ABCB11: variants seen among roughly 807,000 people sequenced by gnomAD.
ABCB11 encodes bile salt export pump.
ABCB11 carries 95 observed loss-of-function variants against 148.0 expected under a neutral mutation model. That is an observed-to-expected ratio of 0.64 (90% CI 0.54 to 0.76). The LOEUF (loss-of-function observed/expected upper bound fraction) is 0.76, where lower values mean the gene tolerates loss of function less well. ABCB11 is among the 30% of genes least tolerant of loss of function. The probability of loss-of-function intolerance (pLI) is 0.00; values close to 1 mark genes in which losing one functional copy is unlikely to be tolerated. For synonymous variants in ABCB11, 591 were observed against 555.4 expected (o/e 1.06, Z -0.90); for missense variants, 1,523 against 1,617.8 (o/e 0.94, Z 1.01).
chr2:168,981,659 C>T (rs1346927537), intron 10 of ABCB11, among the ~76,000 whole-genome samples: 1 of 152,122 alleles, frequency 6.6e-6, no homozygotes, highest in Non-Finnish European at 1.5e-5. Context: ...TTTAAGACCA[C>T]ACACGTCAGA....
chr2:168,964,358 G>A, intron 17 of ABCB11, 50 bp from the exon 18 acceptor site: 1 of 1,427,402 alleles, frequency 7.0e-7, no homozygotes, highest in South Asian at 1.2e-5. Context: ...CCAGATTGGA[G>A]CAGGATCAAC....
rs756797612 is a variant in ABCB11 at position 168,936,408 on chromosome 2, A to G, written c.2636T>C (p.Ile879Thr). The G allele has an allele frequency of 6.2e-7, 1 of 1,613,962 alleles. No homozygotes were observed. Among genetic ancestry groups the G allele is most frequent in the Non-Finnish European group, 8.5e-7 (1 of 1,179,874 alleles). ...QGAAGSQIGM[I>T]VNSFTNVTVA... ...AGTGACGTTAGTGAAGGAATTGACTATCATCCCGATCTGAGAGCCGGCAGC... is the reference window on the plus strand; with the variant it reads ...AGTGACGTTAGTGAAGGAATTGACTGTCATCCCGATCTGAGAGCCGGCAGC... Residue 879 changes from isoleucine to threonine, a missense_variant, in exon 22 of 28, where the codon ATA becomes ACA. Physicochemically the swap from Ile to Thr is moderately conservative, Grantham distance 89. Transcript: ENST00000650372.
Position 168,995,372 on chromosome 2 carries a change from C to T in ABCB11, c.588G>A (p.Gly196=), listed in dbSNP as rs548384140. The T allele has an allele frequency of 3.7e-6, 6 of 1,612,062 alleles. No homozygotes were observed. The African/African-American group carries it at 6.7e-5, about 18-fold the overall frequency. The part of the protein sequence containing the change: ...EIGWFDCNSV[G]ELNTRFSDDI... ...ACTCAGAGAATCTTGTATTCAGCTCCCCCACTGAATTGCAGTCAAACCACC... is the reference window on the plus strand; with the variant it reads ...ACTCAGAGAATCTTGTATTCAGCTCTCCCACTGAATTGCAGTCAAACCACC... Residue 196 remains glycine, a synonymous_variant, in exon 7 of 28, where the codon GGG becomes GGA. Coordinates refer to ENST00000650372, the MANE Select transcript of ABCB11 (RefSeq NM_003742.4).
Position 168,920,791 on chromosome 2 carries a change from A to G in ABCB11, c.*2831T>C, listed in dbSNP as rs1691051195. On this transcript the variant is annotated 3_prime_UTR_variant, in exon 28 of 28. Transcript: ENST00000650372. ...CATCGCCCCCTGGTGTTGTAAAATA[A>G]ACATGCAATGTTATTTATTTATTCA... Among the ~76,000 whole-genome samples the G allele has an allele frequency of 6.6e-6, 1 of 152,230 alleles. No individual in the cohort carries two copies. Among genetic ancestry groups the G allele is most frequent in the African/African-American group, 2.4e-5 (1 of 41,450 alleles).
At chr2:169,015,332 G>A (rs188621094) in intron 3 of ABCB11, among the ~76,000 whole-genome samples, 3 of 152,112 alleles carry the variant, frequency 2.0e-5, no homozygotes, top group Non-Finnish European at 4.4e-5. Context: ...ACCAACACAG[G>A]CAGAGTCTAG....
Position 168,969,473 on chromosome 2 carries a change from CA to C in ABCB11, c.1887del (p.Phe629LeufsTer25). 1 of 1,612,548 alleles carries C rather than the reference CA, an allele frequency of 6.2e-7. No individual in the cohort carries two copies. The highest frequency in any genetic ancestry group is 8.5e-7 in the Non-Finnish European group (1 of 1,179,208). On this transcript the variant is annotated frameshift_variant, in exon 16 of 28. Coordinates refer to ENST00000650372, the MANE Select transcript of ABCB11 (RefSeq NM_003742.4). LOFTEE classifies it high-confidence loss of function. ...CCTCTTTCCACTGCAGTGCCATGTT[CA>C]AAACCAATGATGGTATCTGCAGCTC... ...TVRAADTIIG[F>X]EHGTAVERGT...
In ABCB11 at chr2:168,971,914, G is replaced by A. The variant is rs780992528; in HGVS notation, c.1571C>T (p.Thr524Ile). 7.4e-6 allele frequency: 12 copies of A among 1,613,062 alleles called. No homozygotes were observed. Among genetic ancestry groups the A allele is most frequent in the Non-Finnish European group, 1.0e-5 (12 of 1,179,408 alleles). ...GGCAGCTTGGACTATGTCTTCCATT[G>A]TTGCATCTTCTCTGCCATAGCGAAT... is the stretch of plus-strand genomic sequence containing the variant. ...ENIRYGREDA[T>I]MEDIVQAAKE... is the part of the protein sequence containing the mutation. The change falls in exon 14 of 28, where the codon ACA becomes ATA. Residue 524 changes from threonine to isoleucine, a missense_variant. By Grantham distance (89) the Thr-to-Ile change is moderately conservative. Transcript: ENST00000650372.
intron 17 of ABCB11, among the ~76,000 whole-genome samples, chr2:168,965,330 C>G (rs900535917): frequency 6.6e-6 from 1 of 151,784 alleles, no homozygotes; most frequent in Non-Finnish European, 1.5e-5. Flanking sequence ...GGGAAGGAGG[C>G]CCCCATTCTC....
chr2:168,935,162 A>G, intron 23 of ABCB11, 22 bp downstream of exon 23: 1 of 1,612,792 alleles, frequency 6.2e-7, no homozygotes, highest in Non-Finnish European at 8.5e-7. Flanking sequence ...ATCTTTTCTC[A>G]CCTTGGCTAG....
intron 10 of ABCB11, among the ~76,000 whole-genome samples, chr2:168,980,342 T>C (rs910797925): frequency 1.3e-5 from 2 of 152,122 alleles, no homozygotes; most frequent in African/African-American, 4.8e-5. Context: ...TTATAGTGAT[T>C]TTCTGGTTAA....
At chr2:168,953,106 A>T (rs958784063) in intron 19 of ABCB11, among the ~76,000 whole-genome samples, 2 of 151,592 alleles carry the variant, frequency 1.3e-5, no homozygotes, top group African/African-American at 4.8e-5. Context: ...AAATTCATTA[A>T]GACTTGTTTT....
rs150411653 is a variant in ABCB11, at chr2:168,967,620, C to T, written c.2075+807G>A. Among the ~76,000 whole-genome samples, 412 of 151,852 alleles carry T rather than the reference C, an allele frequency of 2.7e-3. 2 individuals carry two copies. The highest frequency in any genetic ancestry group is 9.6e-3 in the African/African-American group (396 of 41,460). ...CTTTGCACAGCCTTGCATTAAATGT[C>T]CTAGAAATGGAAATGGCAATCATAG... On this transcript the variant is annotated intron_variant, in intron 17 of 27. Transcript: ENST00000650372.
At chr2:168,927,453 A>T (rs1691368948) in intron 25 of ABCB11, 91 bp from the exon 26 acceptor site, 3 of 1,110,230 alleles carry the variant, frequency 2.7e-6, no homozygotes, top group Non-Finnish European at 3.9e-6. Context: ...TATGCAGGAC[A>T]TTTGGTTTGC....
chr2:168,971,917 G>C lies in ABCB11; in HGVS notation c.1568C>G (p.Ala523Gly), dbSNP rs769652427. ...AENIRYGRED[A>G]TMEDIVQAAK... ...AGCTTGGACTATGTCTTCCATTGTT[G>C]CATCTTCTCTGCCATAGCGAATATT... is the stretch of plus-strand genomic sequence containing the variant. The change falls in exon 14 of 28, where the codon GCA (alanine) becomes GGA (glycine). Residue 523 changes from alanine (A) to glycine (G), a missense_variant. Physicochemically the swap from Ala to Gly is moderately conservative, Grantham distance 60 (BLOSUM62 0). Coordinates refer to ENST00000650372, the MANE Select transcript of ABCB11 (RefSeq NM_003742.4). 1.9e-6 allele frequency: 3 copies of C among 1,612,966 alleles called. No individual in the cohort carries two copies. The highest frequency in any genetic ancestry group is 2.5e-6 in the Non-Finnish European group (3 of 1,179,392).
intron 5 of ABCB11, 130 bp from the exon 6 acceptor site, chr2:168,996,852 CTATA>C (rs1694735251): frequency 1.3e-5 from 3 of 238,152 alleles, no homozygotes; most frequent in South Asian, 1.7e-4. Flanking sequence ...AATAAATATA[CTATA>C]TATAGTATAT....
chr2:168,944,459 T>C, intron 21 of ABCB11, 146 bp downstream of exon 21: 1 of 856,164 alleles, frequency 1.2e-6, no homozygotes, highest in Non-Finnish European at 1.8e-6. Context: ...TTTGTCAGTG[T>C]TAGAAGCAGT....
chr2:168,931,778 A>G (rs1301468322), intron 24 of ABCB11, among the ~76,000 whole-genome samples: 1 of 152,196 alleles, frequency 6.6e-6, no homozygotes, highest in Admixed American at 6.5e-5. Context: ...CATTCACTGA[A>G]TGTCATCACC....
chr2:169,013,906 T>C (rs1269960345), intron 4 of ABCB11, among the ~76,000 whole-genome samples: 1 of 152,190 alleles, frequency 6.6e-6, no homozygotes, highest in East Asian at 1.9e-4. Flanking sequence ...GAACTGATAG[T>C]GACTATGAAG....
At chr2:168,919,767 G>A (rs1369615273), downstream of ABCB11, among the ~76,000 whole-genome samples, 2 of 152,098 alleles carry the variant, frequency 1.3e-5, no homozygotes, top group African/African-American at 2.4e-5. Flanking sequence ...ATTCCCCTTA[G>A]AATTTTGAAG....
Sources: allele counts gnomAD v4.1 joint callset (sites outside exome capture counted in the v4.1 genomes callset), GRCh38; gene constraint gnomAD v4.1.1; transcripts MANE v1.5; gene names NCBI Gene and HGNC (gene_info 2026-07-23, HGNC 2026-07-21).